Variants in CSMD1 observed in about 807,000 individuals in gnomAD.
CSMD1 encodes CUB and Sushi multiple domains 1, also known as CUB and sushi domain-containing protein 1.
CSMD1 carries 213 observed loss-of-function variants against 417.5 expected under a neutral mutation model. The observed-to-expected ratio is 0.51, with a 90% CI of 0.46 to 0.57. CSMD1 has a LOEUF of 0.57. Ranked by LOEUF, CSMD1 falls within the 20% of genes least tolerant of loss-of-function variation. The pLI is 0.00. For missense variants in CSMD1, 6,923 were observed against 4,529.7 expected, an observed-to-expected ratio of 1.53 and a Z score of -15.17; for synonymous variants, 2,862 against 1,736.8, an observed-to-expected ratio of 1.65 and a Z score of -16.11.
chr8:3,032,835 A>G (rs1485250766), intron 50 of CSMD1, among the ~76,000 whole-genome samples: 3 of 152,026 alleles, frequency 2.0e-5, no homozygotes, highest in African/African-American at 7.2e-5. Context: ...ACACCCTTAA[A>G]AGAATATTTT....
At chr8:4,512,961 G>A (rs1802907097) in intron 2 of CSMD1, among the ~76,000 whole-genome samples, 1 of 152,076 alleles carries the variant, frequency 6.6e-6, no homozygotes, top group Non-Finnish European at 1.5e-5. Flanking sequence ...GCAAAATTAG[G>A]GAAACAGTGA....
intron 3 of CSMD1, among the ~76,000 whole-genome samples, chr8:4,322,203 T>C (rs1799307184): frequency 6.6e-6 from 1 of 152,248 alleles, no homozygotes; most frequent in Non-Finnish European, 1.5e-5. Context: ...TTTCACTCTA[T>C]GGTTCCATAT....
intron 5 of CSMD1, among the ~76,000 whole-genome samples, chr8:3,991,369 T>C (rs1052946688): frequency 7.9e-5 from 12 of 152,154 alleles, no homozygotes; most frequent in African/African-American, 2.9e-4. Flanking sequence ...ACCTAAGACT[T>C]CAGTGCGTCA....
intron 28 of CSMD1, among the ~76,000 whole-genome samples, chr8:3,221,440 A>G (rs117128562): frequency 0.013 from 1,905 of 152,270 alleles, 99 homozygotes; most frequent in Admixed American, 0.09. Context: ...TGTTATTAAA[A>G]TCTGGTCATG....
intron 2 of CSMD1, among the ~76,000 whole-genome samples, chr8:4,607,664 C>T (rs1289480673): frequency 6.6e-6 from 1 of 151,982 alleles, no homozygotes; most frequent in Non-Finnish European, 1.5e-5. Flanking sequence ...CACTACACTT[C>T]CAAAAAATTT....
At chr8:3,660,935 C>G (rs2624082) in intron 7 of CSMD1, among the ~76,000 whole-genome samples, 140,452 of 152,162 alleles carry the variant, frequency 0.92, 64,950 homozygotes, top group East Asian at 1. Context: ...TCTTGAGTTC[C>G]TGCACACACA....
chr8:3,870,219 T>C (rs1411493395), intron 5 of CSMD1, among the ~76,000 whole-genome samples: 4 of 152,200 alleles, frequency 2.6e-5, no homozygotes, highest in Non-Finnish European at 5.9e-5. Flanking sequence ...CATATTTCTC[T>C]TTCTAGCAAA....
chr8:4,365,688 T>A (rs1373734967), intron 3 of CSMD1, among the ~76,000 whole-genome samples: 1 of 152,162 alleles, frequency 6.6e-6, no homozygotes, highest in Non-Finnish European at 1.5e-5. Context: ...AACTCCAGCC[T>A]CTGATCCAGC....
In CSMD1 at chr8:3,196,354, G is replaced by C. The variant is rs9785101; in HGVS notation, c.5194+3360C>G. On this transcript the variant is annotated intron_variant, in intron 33 of 69. Coordinates refer to ENST00000635120, the MANE Select transcript of CSMD1 (RefSeq NM_033225.6). ...TATAATCAAGAAATAATAGCAAGTAGAAGCAGCTGAGTGGCCCATGCTGCT... is the reference window on the plus strand; with the variant it reads ...TATAATCAAGAAATAATAGCAAGTACAAGCAGCTGAGTGGCCCATGCTGCT... Among the ~76,000 whole-genome samples, 313 of 151,948 alleles carry C rather than the reference G, an allele frequency of 2.1e-3. 5 individuals carry two copies. Among genetic ancestry groups the C allele is most frequent in the Admixed American group, 8.0e-3 (122 of 15,256 alleles).
chr8:3,559,333 G>A (rs1031407894), intron 10 of CSMD1, among the ~76,000 whole-genome samples: 12 of 152,198 alleles, frequency 7.9e-5, no homozygotes, highest in African/African-American at 2.9e-4. Context: ...CAAAGACTAG[G>A]CATGGTCTGA....
intron 3 of CSMD1, among the ~76,000 whole-genome samples, chr8:4,169,030 G>A (rs1160962151): frequency 1.3e-5 from 2 of 152,116 alleles, no homozygotes; most frequent in African/African-American, 2.4e-5. Context: ...TGTTCCAGTT[G>A]CTGGTTTCTT....
At chr8:4,670,684 G>A (rs887773623) in intron 1 of CSMD1, among the ~76,000 whole-genome samples, 1 of 152,098 alleles carries the variant, frequency 6.6e-6, no homozygotes, top group African/African-American at 2.4e-5. Flanking sequence ...ACTATGATAG[G>A]TTTGATAGGA....
At chr8:4,117,108 G>GT (rs1802199337) in intron 3 of CSMD1, among the ~76,000 whole-genome samples, 1 of 151,416 alleles carries the variant, frequency 6.6e-6, no homozygotes, top group Admixed American at 6.6e-5. Flanking sequence ...CTTGAGCTTT[G>GT]TTTTTTCTTG....
intron 2 of CSMD1, among the ~76,000 whole-genome samples, chr8:4,597,529 A>G (rs888569795): frequency 6.6e-6 from 1 of 152,128 alleles, no homozygotes; most frequent in Non-Finnish European, 1.5e-5. Flanking sequence ...ATATCTTTCT[A>G]TTTTGCCCAT....
intron 5 of CSMD1, among the ~76,000 whole-genome samples, chr8:3,976,973 C>T (rs1321772712): frequency 6.6e-6 from 1 of 152,166 alleles, no homozygotes; most frequent in Non-Finnish European, 1.5e-5. Context: ...TGTCACAGAA[C>T]ACATAGGTAT....
At chr8:4,460,677 T>G (rs1318967135) in intron 2 of CSMD1, among the ~76,000 whole-genome samples, 1 of 141,892 alleles carries the variant, frequency 7.0e-6, no homozygotes, top group Non-Finnish European at 1.5e-5. Flanking sequence ...TAAGAGAATT[T>G]TATAAACATC....
chr8:3,038,523 G>C (rs553820580), intron 50 of CSMD1, among the ~76,000 whole-genome samples: 1 of 151,984 alleles, frequency 6.6e-6, no homozygotes, highest in Non-Finnish European at 1.5e-5. Context: ...CTTCTAAAAC[G>C]TTCCTTAAAA....
At chr8:3,071,762 G>C (rs1040085871) in intron 49 of CSMD1, among the ~76,000 whole-genome samples, 1 of 152,154 alleles carries the variant, frequency 6.6e-6, no homozygotes, top group Non-Finnish European at 1.5e-5. Flanking sequence ...CCTAAATGCA[G>C]ACAGTCCATC....
chr8:3,182,522 G>C (rs1189924636), intron 36 of CSMD1, among the ~76,000 whole-genome samples: 3 of 151,660 alleles, frequency 2.0e-5, no homozygotes, highest in Non-Finnish European at 4.4e-5. Flanking sequence ...GCCCCCAAGA[G>C]ATTTGATCAG....
Sources: allele counts gnomAD v4.1 joint callset (sites outside exome capture counted in the v4.1 genomes callset), GRCh38; gene constraint gnomAD v4.1.1; transcripts MANE v1.5; gene names NCBI Gene and HGNC (gene_info 2026-07-23, HGNC 2026-07-21).